Variants in SLC9A9 observed in about 807,000 individuals in gnomAD.
SLC9A9 encodes the protein solute carrier family 9 member A9.
In SLC9A9, 62 loss-of-function variants were observed where a neutral mutation model predicts 77.8. That is an observed-to-expected ratio of 0.80 (90% CI 0.65 to 0.98). SLC9A9 has a LOEUF of 0.98. Ranked by LOEUF, SLC9A9 falls within the 50% of genes least tolerant of loss-of-function variation. SLC9A9 has a pLI of 0.00. For synonymous variants in SLC9A9, 320 were observed against 283.5 expected, an observed-to-expected ratio of 1.13 and a Z score of -1.29; for missense variants, 775 against 774.9, an observed-to-expected ratio of 1.00 and a Z score of 0.00.
At chr3:143,354,697 T>G (rs1006591001) in intron 14 of SLC9A9, among the ~76,000 whole-genome samples, 9 of 152,238 alleles carry the variant, frequency 5.9e-5, no homozygotes, top group African/African-American at 1.9e-4. Context: ...AAACAAATAT[T>G]AAAACTAAAT....
chr3:143,354,636 G>C (rs12631011), intron 14 of SLC9A9, among the ~76,000 whole-genome samples: 5,694 of 152,250 alleles, frequency 0.037, 182 homozygotes, highest in East Asian at 0.18. Flanking sequence ...GAAAAGGAGT[G>C]ACCAAGTAAT....
intron 4 of SLC9A9, among the ~76,000 whole-genome samples, chr3:143,752,755 T>C (rs2006778136): frequency 6.6e-6 from 1 of 152,016 alleles, no homozygotes; most frequent in African/African-American, 2.4e-5. Context: ...CAGCTCAGTT[T>C]AGCAGTAGGT....
Position 143,538,477 on chromosome 3 carries a change from T to C in SLC9A9, c.1089+13885A>G, listed in dbSNP as rs2036630339. On this transcript the variant is annotated intron_variant, in intron 9 of 15. Transcript: ENST00000316549. The stretch of plus-strand genomic sequence containing the variant: ...TATGACACCAGCCTGCAGACCACCA[T>C]TTAAGAACACCTGAATAAGGACATA... Among the ~76,000 whole-genome samples the C allele has an allele frequency of 5.3e-5, 8 of 152,334 alleles. No homozygotes were observed. In the South Asian group the frequency reaches 1.2e-3, roughly 24 times the overall value.
chr3:143,396,649 T>C (rs1451826667), intron 12 of SLC9A9, among the ~76,000 whole-genome samples: 1 of 152,178 alleles, frequency 6.6e-6, no homozygotes, highest in East Asian at 1.9e-4. Flanking sequence ...AGAAAATGCT[T>C]AGAAGAAGTA....
intron 8 of SLC9A9, among the ~76,000 whole-genome samples, chr3:143,563,606 C>T (rs2108648304): frequency 6.6e-6 from 1 of 152,050 alleles, no homozygotes; most frequent in Non-Finnish European, 1.5e-5. Flanking sequence ...TAAGACAATC[C>T]AAGGAAGGGG....
chr3:143,306,051 G>C (rs1578279237), intron 14 of SLC9A9, among the ~76,000 whole-genome samples: 1 of 151,410 alleles, frequency 6.6e-6, no homozygotes, highest in South Asian at 2.1e-4. Context: ...CATAAAAATG[G>C]AATTTCTTTA....
At chr3:143,748,751 CG>C (rs1040318044) in intron 4 of SLC9A9, among the ~76,000 whole-genome samples, 3 of 140,126 alleles carry the variant, frequency 2.1e-5, no homozygotes, top group African/African-American at 8.2e-5. Flanking sequence ...GGCCGGACTG[CG>C]GACTGCAGTG....
Position 143,461,867 on chromosome 3 carries a change from G to C in SLC9A9, c.1469+5170C>G, listed in dbSNP as rs533330183. Among the ~76,000 whole-genome samples the C allele has an allele frequency of 7.2e-5, 11 of 152,248 alleles. No individual in the cohort carries two copies. The South Asian group carries it at 2.3e-3, about 32-fold the overall frequency. On this transcript the variant is annotated intron_variant, in intron 12 of 15. Transcript: ENST00000316549. ...TTTCCTCACCTCAGTAATCAAGGAA[G>C]TCTGTATGGAAGCAGATATATTTAA...
chr3:143,555,337 T>C (rs2036962382), intron 8 of SLC9A9, among the ~76,000 whole-genome samples: 1 of 152,186 alleles, frequency 6.6e-6, no homozygotes, highest in Non-Finnish European at 1.5e-5. Context: ...AATTATCCAG[T>C]CTTGAACATA....
intron 2 of SLC9A9, among the ~76,000 whole-genome samples, chr3:143,829,983 C>T (rs766573226): frequency 6.6e-6 from 1 of 152,168 alleles, no homozygotes; most frequent in Non-Finnish European, 1.5e-5. Flanking sequence ...GAAGATCTAT[C>T]TAATCCTAAC....
intron 8 of SLC9A9, among the ~76,000 whole-genome samples, chr3:143,560,506 G>A (rs2037063707): frequency 6.6e-6 from 1 of 151,472 alleles, no homozygotes; most frequent in Non-Finnish European, 1.5e-5. Context: ...TTTATTCTTT[G>A]GTTTTCTTTT....
chr3:143,390,847 T>C lies in SLC9A9; in HGVS notation c.1470-8733A>G, dbSNP rs190036722. 4.2e-3 allele frequency among the ~76,000 whole-genome samples: 638 copies of C among 152,288 alleles called. 4 individuals are homozygous for C. Among genetic ancestry groups the C allele is most frequent in the African/African-American group, 0.015 (607 of 41,562 alleles). ...GGGTCCCACACCCACAGAGCCTCAC[T>C]CATTGCTAGCACAGCAGGCTGAGAT... is the stretch of plus-strand genomic sequence containing the variant. On this transcript the variant is annotated intron_variant, in intron 12 of 15. Transcript: ENST00000316549.
intron 1 of SLC9A9, among the ~76,000 whole-genome samples, chr3:143,837,239 T>C (rs2009590490): frequency 6.6e-6 from 1 of 152,216 alleles, no homozygotes; most frequent in African/African-American, 2.4e-5. Flanking sequence ...GCCAGATCGC[T>C]TTAGACTCCA....
intron 8 of SLC9A9, among the ~76,000 whole-genome samples, chr3:143,571,314 G>A (rs1442901460): frequency 6.6e-6 from 1 of 152,128 alleles, no homozygotes; most frequent in East Asian, 1.9e-4. Flanking sequence ...TATTCATGCA[G>A]AAATCATTTT....
intron 6 of SLC9A9, among the ~76,000 whole-genome samples, chr3:143,606,912 G>A (rs2037938089): frequency 6.6e-6 from 1 of 151,998 alleles, no homozygotes; most frequent in Non-Finnish European, 1.5e-5. Context: ...TTGTAGAACT[G>A]AAGAAACATA....
intron 6 of SLC9A9, among the ~76,000 whole-genome samples, chr3:143,634,511 C>T (rs1475651644): frequency 6.6e-6 from 1 of 151,976 alleles, no homozygotes; most frequent in Non-Finnish European, 1.5e-5. Flanking sequence ...TTTTATTGAT[C>T]TCTCCAACTT....
chr3:143,652,170 G>T (rs1020419217), intron 6 of SLC9A9, 85 bp downstream of exon 6: 2 of 1,100,262 alleles, frequency 1.8e-6, no homozygotes, highest in Non-Finnish European at 2.7e-6. Flanking sequence ...GAGACTGCCC[G>T]TATCTCTGTG....
At chr3:143,427,047 T>C (rs553844315) in intron 12 of SLC9A9, among the ~76,000 whole-genome samples, 1 of 152,362 alleles carries the variant, frequency 6.6e-6, no homozygotes, top group Non-Finnish European at 1.5e-5. Flanking sequence ...GCCCAATCAA[T>C]GTTTGTTTTT....
At chr3:143,290,604 C>A (rs2029910938) in intron 14 of SLC9A9, among the ~76,000 whole-genome samples, 1 of 152,150 alleles carries the variant, frequency 6.6e-6, no homozygotes, top group Non-Finnish European at 1.5e-5. Context: ...CATCAGATTG[C>A]CTTGCTAACA....
Sources: gnomAD v4.1 joint callset for allele counts (sites outside exome capture counted in the v4.1 genomes callset) on GRCh38, gnomAD v4.1.1 for gene constraint, MANE v1.5 for transcripts, NCBI Gene and HGNC (gene_info 2026-07-23, HGNC 2026-07-21) for gene names.